The following IGLL1 variants were observed in gnomAD, a reference collection of about 807,000 sequenced individuals.
IGLL1 encodes the protein immunoglobulin lambda-like polypeptide 1.
A neutral mutation model predicts 10.5 loss-of-function variants in IGLL1; 10 were observed. The observed-to-expected ratio is 0.95, with a 90% CI of 0.59 to 1.62. The LOEUF is 1.62. Ranked by LOEUF, IGLL1 falls within the 40% of genes most tolerant of loss-of-function variation. The probability of loss-of-function intolerance (pLI) is 0.00; values close to 1 mark genes in which losing one functional copy is unlikely to be tolerated. For synonymous variants in IGLL1, 141 were observed against 122.7 expected, an observed-to-expected ratio of 1.15 and a Z score of -0.99; for missense variants, 284 against 278.7, an observed-to-expected ratio of 1.02 and a Z score of -0.14.
intron 1 of IGLL1, among the ~76,000 whole-genome samples, chr22:23,575,841 G>T (rs1041128614): frequency 1.3e-5 from 2 of 152,148 alleles, no homozygotes; most frequent in African/African-American, 4.8e-5. Context: ...CACAGGGCTG[G>T]CCCCTCTTTC....
intron 2 of IGLL1, among the ~76,000 whole-genome samples, chr22:23,574,229 G>C (rs564148511): frequency 6.6e-6 from 1 of 151,876 alleles, no homozygotes; most frequent in East Asian, 1.9e-4. Context: ...CAGCCATGGA[G>C]TTCTCTGCAC....
Position 23,580,129 on chromosome 22 carries a change from C to G in IGLL1, c.62G>C (p.Arg21Thr), listed in dbSNP as rs1407833063. The G allele has an allele frequency of 1.3e-6, 2 of 1,562,224 alleles. No individual in the cohort carries two copies. Among genetic ancestry groups the G allele is most frequent in the Non-Finnish European group, 1.7e-6 (2 of 1,156,374 alleles). Residue 21 changes from arginine (R) to threonine (T), a missense_variant, in exon 1 of 3, where the codon AGG becomes ACG. Arg to Thr is a moderately conservative substitution (Grantham distance 71). Transcript: ENST00000330377. ...EAPGEPGPNLRQRWPLLLLGL... is the reference protein window; with the variant it reads ...EAPGEPGPNLTQRWPLLLLGL... ...CAGCAGCAGCAGGGGCCAGCGCTGC[C>G]TGAGGTTGGGGCCTGGCTCACCAGG...
intron 1 of IGLL1, among the ~76,000 whole-genome samples, chr22:23,578,400 T>C (rs1392874834): frequency 1.3e-5 from 2 of 152,108 alleles, no homozygotes; most frequent in African/African-American, 4.8e-5. Context: ...TGGACTTGAA[T>C]TGGGGCAAAT....
chr22:23,573,857 A>G (rs1602287781), intron 2 of IGLL1, among the ~76,000 whole-genome samples: 1 of 151,860 alleles, frequency 6.6e-6, no homozygotes, highest in Non-Finnish European at 1.5e-5. Context: ...GTGTGCACCC[A>G]GGGCAGGCTG....
At chr22:23,579,922 G>T in intron 1 of IGLL1, 63 bp downstream of exon 1, 3 of 1,404,096 alleles carry the variant, frequency 2.1e-6, no homozygotes, top group South Asian at 1.3e-5. Context: ...GTCTCCCCTT[G>T]GTCATCCTTT....
rs377755910 is a variant in IGLL1 at position 23,575,722 on chromosome 22, G to T, written c.207-640C>A. Among the ~76,000 whole-genome samples the T allele has an allele frequency of 7.9e-5, 12 of 152,274 alleles. No homozygotes were observed. In the East Asian group the frequency reaches 1.7e-3, roughly 22 times the overall value. The stretch of plus-strand genomic sequence containing the variant: ...GCACTGTGTGCTGGGGACATGGTGT[G>T]GTCCCCCAGGCTCTCACCCCCATCT... On this transcript the variant is annotated intron_variant, in intron 1 of 2. Coordinates refer to ENST00000330377, the MANE Select transcript of IGLL1 (RefSeq NM_020070.4).
At chr22:23,574,486 C>T (rs939525851) in intron 2 of IGLL1, among the ~76,000 whole-genome samples, 5 of 152,086 alleles carry the variant, frequency 3.3e-5, no homozygotes, top group South Asian at 2.1e-4. Context: ...CACAGAGCTG[C>T]AGCCTAGACC....
chr22:23,574,798 C>A (rs1427503295), intron 2 of IGLL1, among the ~76,000 whole-genome samples, 169 bp downstream of exon 2: 1 of 152,068 alleles, frequency 6.6e-6, no homozygotes, highest in Admixed American at 6.5e-5. Flanking sequence ...TGTGGGGGCC[C>A]TTCCTGCCAT....
At chr22:23,577,797 T>C (rs1925135124) in intron 1 of IGLL1, among the ~76,000 whole-genome samples, 1 of 152,130 alleles carries the variant, frequency 6.6e-6, no homozygotes, top group African/African-American at 2.4e-5. Flanking sequence ...CCTCCCAAAG[T>C]TGTGGGATTA....
chr22:23,579,814 AATT>A (rs991063069), intron 1 of IGLL1, among the ~76,000 whole-genome samples, 168 bp downstream of exon 1: 60 of 152,290 alleles, frequency 3.9e-4, no homozygotes, highest in African/African-American at 1.3e-3. Flanking sequence ...AAGCAATAAA[AATT>A]AATTCAAAGA....
intron 1 of IGLL1, among the ~76,000 whole-genome samples, chr22:23,577,431 C>T (rs1243873754): frequency 6.6e-6 from 1 of 151,728 alleles, no homozygotes; most frequent in Non-Finnish European, 1.5e-5. Context: ...GATACACAAC[C>T]TATTTCTTAA....
At position 23,580,109 on chromosome 22, in the gene IGLL1, G is replaced by A. The variant is rs1275532442; in HGVS notation, c.82C>T (p.Leu28=). The part of the protein sequence containing the change: ...PNLRQRWPLL[L]LGLAVVTHGL... Reference sequence around the variant, plus strand: ...TGGGTTACCACGGCCAGACCCAGCAGCAGCAGGGGCCAGCGCTGCCTGAGG... The same window carrying A: ...TGGGTTACCACGGCCAGACCCAGCAACAGCAGGGGCCAGCGCTGCCTGAGG... Residue 28 remains leucine (L), a synonymous_variant, in exon 1 of 3, where the codon CTG becomes TTG. Transcript: ENST00000330377. 2 of 1,569,144 alleles carry A rather than the reference G, an allele frequency of 1.3e-6. No individual in the cohort carries two copies. Among genetic ancestry groups the A allele is most frequent in the Non-Finnish European group, 1.7e-6 (2 of 1,159,930 alleles).
intron 1 of IGLL1, among the ~76,000 whole-genome samples, chr22:23,576,360 CAAAAAAA>C (rs11455488): frequency 3.0e-5 from 2 of 67,112 alleles, no homozygotes; most frequent in African/African-American, 5.8e-5. Flanking sequence ...AAGACTGTCC[CAAAAAAA>C]AAAAAAAAAA....
intron 1 of IGLL1, 33 bp from the exon 2 acceptor site, chr22:23,575,115 T>G (rs769699328): frequency 6.7e-7 from 1 of 1,490,154 alleles, no homozygotes; most frequent in East Asian, 2.3e-5. Context: ...GGCTGCAGTG[T>G]GTAGGCTGTG....
intron 1 of IGLL1, among the ~76,000 whole-genome samples, chr22:23,578,854 G>A (rs935560446): frequency 2.6e-5 from 4 of 152,096 alleles, no homozygotes; most frequent in South Asian, 2.1e-4. Flanking sequence ...CAGCTACTCC[G>A]GAAGCTGAGG....
At chr22:23,575,128 C>T (rs533509937) in intron 1 of IGLL1, 46 bp from the exon 2 acceptor site, 1 of 1,372,126 alleles carries the variant, frequency 7.3e-7, no homozygotes, top group African/African-American at 1.4e-5. Flanking sequence ...AGGCTGTGAC[C>T]CAGGCACAGG....
At chr22:23,573,622 G>C in intron 2 of IGLL1, 37 bp from the exon 3 acceptor site, 2 of 1,494,954 alleles carry the variant, frequency 1.3e-6, no homozygotes, top group Middle Eastern at 1.9e-4. Context: ...GATGGCAGAG[G>C]GAGTGTGGGG....
intron 1 of IGLL1, 92 bp downstream of exon 1, chr22:23,579,893 C>T (rs1925252010): frequency 2.9e-6 from 3 of 1,040,428 alleles, no homozygotes; most frequent in Admixed American, 2.5e-5. Context: ...ATTAACCTTC[C>T]TCCTCACCCC....
At chr22:23,577,532 T>C (rs910732631) in intron 1 of IGLL1, among the ~76,000 whole-genome samples, 18 of 145,050 alleles carry the variant, frequency 1.2e-4, no homozygotes, top group Non-Finnish European at 2.4e-4. Flanking sequence ...GAATAATCAG[T>C]CTTTTTTTTT....
Sources: allele counts gnomAD v4.1 joint callset (sites outside exome capture counted in the v4.1 genomes callset), GRCh38; gene constraint gnomAD v4.1.1; transcripts MANE v1.5; gene names NCBI Gene and HGNC (gene_info 2026-07-23, HGNC 2026-07-21).